ARHGAP29: variants seen among roughly 807,000 people sequenced by gnomAD.
ARHGAP29 encodes Rho GTPase activating protein 29, also known as rho GTPase-activating protein 29.
ARHGAP29 carries 43 observed loss-of-function variants against 122.6 expected under a neutral mutation model. That is an observed-to-expected ratio of 0.35 (90% confidence interval 0.27 to 0.45). The LOEUF is 0.45. Among genes scored for constraint, ARHGAP29 ranks in the 20% least tolerant of loss-of-function variants. ARHGAP29 has a pLI of 1.00. For missense variants in ARHGAP29, 1,303 were observed against 1,477.2 expected, an observed-to-expected ratio of 0.88 and a Z score of 1.93; for synonymous variants, 506 against 497.1, an observed-to-expected ratio of 1.02 and a Z score of -0.24.
the ARHGAP29 span, among the ~76,000 whole-genome samples, chr1:94,308,576 C>G: frequency 6.6e-6 from 1 of 152,166 alleles, no homozygotes; most frequent in Non-Finnish European, 1.5e-5. Context: ...CAAGCCAAGT[C>G]ACGTCATCAT....
the ARHGAP29 span, among the ~76,000 whole-genome samples, chr1:94,280,415 G>A: frequency 1.3e-5 from 2 of 152,118 alleles, no homozygotes; most frequent in South Asian, 2.1e-4. Flanking sequence ...GGAGAAGAGA[G>A]CCAGACCAAA....
chr1:94,244,127 C>A (rs1653703703), intron 1 of ARHGAP29, among the ~76,000 whole-genome samples: 1 of 151,490 alleles, frequency 6.6e-6, no homozygotes, highest in Admixed American at 6.6e-5. Context: ...TTGGAAAATA[C>A]AGGAGACAAG....
chr1:94,208,608 C>T (rs1056688385), intron 5 of ARHGAP29, among the ~76,000 whole-genome samples: 3 of 151,752 alleles, frequency 2.0e-5, no homozygotes. Flanking sequence ...TACAGGTGCC[C>T]ACCACCATGC....
At chr1:94,202,821 A>C (rs576874869) in intron 10 of ARHGAP29, 89 bp from the exon 11 acceptor site, 2 of 1,541,096 alleles carry the variant, frequency 1.3e-6, no homozygotes, top group Non-Finnish European at 1.8e-6. Context: ...AGTTAAGACA[A>C]TATTTTAGAA....
In ARHGAP29 at chr1:94,186,120, T is replaced by C. The variant is rs75045013; in HGVS notation, c.1780+379A>G. 5.1e-3 allele frequency among the ~76,000 whole-genome samples: 777 copies of C among 152,292 alleles called. 10 individuals carry two copies. The highest frequency in any genetic ancestry group is 0.018 in the African/African-American group (747 of 41,576). ...CTTCCTTGTCCTCAAGAAGTACACT[T>C]ACTTAGTTTTCTTGCATTGTTTCTT... On this transcript the variant is annotated intron_variant, in intron 16 of 22. Transcript: ENST00000260526.
the ARHGAP29 span, among the ~76,000 whole-genome samples, chr1:94,288,719 T>C: frequency 1.6e-4 from 24 of 152,224 alleles, no homozygotes; most frequent in African/African-American, 5.8e-4. Flanking sequence ...TACATATGGC[T>C]AGCCAGTTTT....
intron 12 of ARHGAP29, 174 bp from the exon 13 acceptor site, chr1:94,190,257 GA>G: frequency 1.7e-6 from 1 of 586,458 alleles, no homozygotes; most frequent in Non-Finnish European, 2.7e-6. Flanking sequence ...AGATTAGGGA[GA>G]AAAGCAGTTT....
At chr1:94,271,499 G>A (rs913613837) in intron 1 of ARHGAP29, among the ~76,000 whole-genome samples, 15 of 151,988 alleles carry the variant, frequency 9.9e-5, no homozygotes, top group African/African-American at 2.9e-4. Flanking sequence ...GTTTCTCCCC[G>A]TAAGAGAAGA....
At chr1:94,299,427 G>A in the ARHGAP29 span, among the ~76,000 whole-genome samples, 1 of 152,170 alleles carries the variant, frequency 6.6e-6, no homozygotes. Context: ...GATTATGTGA[G>A]TGGCACAGAA....
Position 94,174,309 on chromosome 1 carries a change from C to T in ARHGAP29, c.3346G>A (p.Asp1116Asn). The T allele has an allele frequency of 5.6e-6, 9 of 1,614,136 alleles. No homozygotes were observed. Among genetic ancestry groups the T allele is most frequent in the Non-Finnish European group, 7.6e-6 (9 of 1,180,022 alleles). The stretch of plus-strand genomic sequence containing the variant: ...GGTTGAGTGGCATTGATAGAATGGT[C>T]CCCACTAATCTGGAGGCTTGTTGTC... ...GVTTSLQISG[D>N]HSINATQPSK... The change falls in exon 23 of 23, where the codon GAC becomes AAC. Residue 1116 changes from aspartate (D) to asparagine (N), a missense_variant. Coordinates refer to ENST00000260526, the MANE Select transcript of ARHGAP29 (RefSeq NM_004815.4).
At chr1:94,264,647 C>G (rs1654694183) in intron 1 of ARHGAP29, among the ~76,000 whole-genome samples, 1 of 152,090 alleles carries the variant, frequency 6.6e-6, no homozygotes, top group Non-Finnish European at 1.5e-5. Context: ...TGCCTTATTA[C>G]CTGGGGCTCA....
chr1:94,277,869 A>ATGGAAAATTT (rs1655241640), upstream of ARHGAP29, among the ~76,000 whole-genome samples: 1 of 152,200 alleles, frequency 6.6e-6, no homozygotes, highest in African/African-American at 2.4e-5. Context: ...AGTCTCCATC[A>ATGGAAAATTT]ATTGCTGATG....
chr1:94,182,808 G>GAACAA (rs1367931447), intron 19 of ARHGAP29, among the ~76,000 whole-genome samples: 9 of 111,022 alleles, frequency 8.1e-5, no homozygotes, highest in East Asian at 4.9e-4. Context: ...CAAAACAGGA[G>GAACAA]AATAAAACAA....
At chr1:94,289,786 G>A in the ARHGAP29 span, among the ~76,000 whole-genome samples, 1 of 152,132 alleles carries the variant, frequency 6.6e-6, no homozygotes, top group Non-Finnish European at 1.5e-5. Flanking sequence ...TTATGTGATG[G>A]CTTACATTTA....
the ARHGAP29 span, among the ~76,000 whole-genome samples, chr1:94,283,483 T>C: frequency 1.3e-5 from 2 of 152,280 alleles, no homozygotes; most frequent in Admixed American, 6.5e-5. Flanking sequence ...AATTATTTTT[T>C]AAAAAATCAT....
At chr1:94,178,457 T>A (rs1026506670) in intron 20 of ARHGAP29, among the ~76,000 whole-genome samples, 2 of 151,888 alleles carry the variant, frequency 1.3e-5, no homozygotes, top group African/African-American at 4.8e-5. Flanking sequence ...TCTCAGTATA[T>A]GGTATATCCT....
chr1:94,201,799 T>G lies in ARHGAP29; in HGVS notation c.1202A>C (p.Asn401Thr). 1.2e-6 allele frequency: 2 copies of G among 1,613,798 alleles called. No homozygotes were observed. Among genetic ancestry groups the G allele is most frequent in the Non-Finnish European group, 1.7e-6 (2 of 1,179,874 alleles). Residue 401 changes from asparagine to threonine, a missense_variant, in exon 12 of 23, where the codon AAT becomes ACT. Physicochemically the swap from Asn to Thr is moderately conservative, Grantham distance 65. Coordinates refer to ENST00000260526, the MANE Select transcript of ARHGAP29 (RefSeq NM_004815.4). ...TTCTCTTTTGGTATTTTCTAGATCA[T>G]TTCTTCTTTCTTCAACATTTGTCAC... Reference protein sequence around the residue: ...VCVTNVEERRNDLENTKREIL... With the variant: ...VCVTNVEERRTDLENTKREIL...
At chr1:94,271,505 G>A (rs2100733193) in intron 1 of ARHGAP29, among the ~76,000 whole-genome samples, 1 of 152,228 alleles carries the variant, frequency 6.6e-6, no homozygotes, top group East Asian at 1.9e-4. Context: ...CCCCGTAAGA[G>A]AAGATTATTA....
chr1:94,283,991 A>G, the ARHGAP29 span, among the ~76,000 whole-genome samples: 1 of 152,082 alleles, frequency 6.6e-6, no homozygotes, highest in Non-Finnish European at 1.5e-5. Flanking sequence ...GATCTTGAAC[A>G]TGAAAAAAAT....
Sources: gnomAD v4.1 joint callset for allele counts (sites outside exome capture counted in the v4.1 genomes callset) on GRCh38, gnomAD v4.1.1 for gene constraint, MANE v1.5 for transcripts, NCBI Gene and HGNC (gene_info 2026-07-23, HGNC 2026-07-21) for gene names.